The following EEF2K variants were observed in gnomAD, a reference collection of about 807,000 sequenced individuals.
EEF2K encodes alternative protein EEF2K.
A neutral mutation model predicts 93.8 loss-of-function variants in EEF2K; 70 were observed. The ratio of observed to expected loss-of-function variants is 0.75; its 90% CI spans 0.62 to 0.91. The LOEUF (loss-of-function observed/expected upper bound fraction) is 0.91. Among genes scored for constraint, EEF2K ranks in the 40% least tolerant of loss-of-function variants. The pLI is 0.00. For synonymous variants in EEF2K, 376 were observed against 380.8 expected, an observed-to-expected ratio of 0.99 and a Z score of 0.15; for missense variants, 935 against 972.9, an observed-to-expected ratio of 0.96 and a Z score of 0.52.
chr16:22,248,715 G>C lies in EEF2K; in HGVS notation c.348-40G>C, dbSNP rs370019098. Reference sequence around the variant, plus strand: ...TTTAGCCAGTGAGAAACAGGACCACGTGATGGACGCTGTGCCCCATGGTGG... The same window carrying C: ...TTTAGCCAGTGAGAAACAGGACCACCTGATGGACGCTGTGCCCCATGGTGG... On this transcript the variant is annotated intron_variant, in intron 3 of 17. Transcript: ENST00000263026. 70 of 1,611,904 alleles carry C rather than the reference G, an allele frequency of 4.3e-5. No homozygotes were observed. In the African/African-American group the frequency reaches 7.5e-4, roughly 17 times the overall value.
intron 15 of EEF2K, among the ~76,000 whole-genome samples, chr16:22,268,930 C>T (rs1337661696): frequency 1.3e-5 from 2 of 151,468 alleles, no homozygotes; most frequent in Non-Finnish European, 2.9e-5. Flanking sequence ...GCACTCCAGC[C>T]TGGGCAACAG....
At chr16:22,258,255 A>C (rs1395470675) in intron 9 of EEF2K, among the ~76,000 whole-genome samples, 4 of 152,134 alleles carry the variant, frequency 2.6e-5, no homozygotes, top group Middle Eastern at 3.2e-3. Context: ...GAATGTGGTC[A>C]GTGCTTTAGG....
At chr16:22,268,635 G>T (rs1187168639) in intron 15 of EEF2K, among the ~76,000 whole-genome samples, 1 of 147,582 alleles carries the variant, frequency 6.8e-6, no homozygotes, top group African/African-American at 2.6e-5. Context: ...CCCGACCAAA[G>T]AAGTTTTTTT....
chr16:22,280,875 C>T (rs1003685265), intron 17 of EEF2K, among the ~76,000 whole-genome samples: 7 of 152,082 alleles, frequency 4.6e-5, no homozygotes, highest in East Asian at 3.9e-4. Flanking sequence ...GTTGGCCAGG[C>T]TGGTCTCGAA....
intron 1 of EEF2K, among the ~76,000 whole-genome samples, chr16:22,215,889 C>T (rs182607900): frequency 7.4e-4 from 113 of 152,306 alleles, no homozygotes; most frequent in South Asian, 5.8e-3. Context: ...CACGCCACTG[C>T]ACTCCAGCCT....
At chr16:22,263,031 G>T (rs2047480607) in intron 11 of EEF2K, 79 bp from the exon 12 acceptor site, 13 of 1,345,290 alleles carry the variant, frequency 9.7e-6, no homozygotes, top group Non-Finnish European at 1.1e-5. Flanking sequence ...AAAGCTAACA[G>T]TTGGGGTGTT....
At chr16:22,244,589 C>T in intron 2 of EEF2K, 41 bp from the exon 3 acceptor site, 3 of 1,606,022 alleles carry the variant, frequency 1.9e-6, no homozygotes, top group East Asian at 4.5e-5. Context: ...AAGCCCCTGA[C>T]CTGGGCCTGA....
chr16:22,274,743 G>A (rs906555661), intron 16 of EEF2K, among the ~76,000 whole-genome samples: 1 of 151,786 alleles, frequency 6.6e-6, no homozygotes, highest in Non-Finnish European at 1.5e-5. Flanking sequence ...GAGTAGGTGG[G>A]ACTACAGGCA....
intron 1 of EEF2K, among the ~76,000 whole-genome samples, chr16:22,211,704 C>T (rs1366353398): frequency 1.3e-5 from 2 of 152,124 alleles, no homozygotes; most frequent in Non-Finnish European, 2.9e-5. Context: ...CTCAAGTGAT[C>T]TGCCTGCCTC....
Position 22,250,702 on chromosome 16 carries a change from C to T in EEF2K, c.446+11C>T. On this transcript the variant is annotated intron_variant, in intron 5 of 17. Transcript: ENST00000263026. Reference sequence around the variant, plus strand: ...GGAGTGCTTCCGGACGTAAGTGACTCAGCCTGGCTCTTGGGGCCCTGCCCA... The same window carrying T: ...GGAGTGCTTCCGGACGTAAGTGACTTAGCCTGGCTCTTGGGGCCCTGCCCA... 1 of 1,614,188 alleles carries T rather than the reference C, an allele frequency of 6.2e-7. No individual in the cohort carries two copies.
intron 1 of EEF2K, among the ~76,000 whole-genome samples, chr16:22,217,545 ACAATTCTCCCACCTCAGCT>A (rs1188818565): frequency 2.6e-5 from 4 of 152,006 alleles, no homozygotes; most frequent in African/African-American, 9.7e-5. Context: ...CCAGGTTCAA[ACAATTCTCCCACCTCAGCT>A]TCCCGAGTAG....
intron 15 of EEF2K, among the ~76,000 whole-genome samples, chr16:22,267,578 G>C (rs2047537011): frequency 1.3e-5 from 2 of 151,276 alleles, no homozygotes; most frequent in South Asian, 4.2e-4. Flanking sequence ...CTGGGCGACA[G>C]AGTGAGATCC....
chr16:22,224,036 GTC>G (rs2047039629), intron 1 of EEF2K, among the ~76,000 whole-genome samples: 1 of 151,804 alleles, frequency 6.6e-6, no homozygotes, highest in African/African-American at 2.4e-5. Flanking sequence ...GTGAAACCCC[GTC>G]TCTACTAAAA....
chr16:22,268,465 C>T lies in EEF2K; in HGVS notation c.1764+1589C>T, dbSNP rs568746732. ...GGATTACAGGTGTGAGCCACCATGC[C>T]GGACTATTTATTTATTTTAGAGACA... On this transcript the variant is annotated intron_variant, in intron 15 of 17. Transcript: ENST00000263026. Among the ~76,000 whole-genome samples, 17 of 151,848 alleles carry T rather than the reference C, an allele frequency of 1.1e-4. No individual in the cohort carries two copies. In the East Asian group the frequency reaches 3.3e-3, roughly 30 times the overall value.
intron 12 of EEF2K, 24 bp downstream of exon 12, chr16:22,263,211 A>T (rs753993991): frequency 6.3e-7 from 1 of 1,596,422 alleles, no homozygotes; most frequent in South Asian, 1.1e-5. Context: ...AGGAAATGAG[A>T]CCGGTGTCAC....
intron 2 of EEF2K, among the ~76,000 whole-genome samples, chr16:22,239,072 C>A (rs1250360535): frequency 5.5e-5 from 8 of 144,932 alleles, no homozygotes; most frequent in African/African-American, 1.8e-4. Context: ...TAGTACAGTA[C>A]TTTTTATACT....
intron 8 of EEF2K, 122 bp downstream of exon 8, chr16:22,257,507 A>T: frequency 6.5e-7 from 1 of 1,545,820 alleles, no homozygotes. Context: ...GATCATGGAG[A>T]TGGGAGCCTG....
intron 1 of EEF2K, among the ~76,000 whole-genome samples, chr16:22,213,657 A>G (rs1356157855): frequency 6.6e-6 from 1 of 152,238 alleles, no homozygotes; most frequent in African/African-American, 2.4e-5. Flanking sequence ...AGGTGTCAGC[A>G]TGGCTGTGTT....
chr16:22,250,730 G>A (rs1567276390), intron 5 of EEF2K, 39 bp downstream of exon 5: 2 of 1,613,704 alleles, frequency 1.2e-6, no homozygotes, highest in South Asian at 1.1e-5. Context: ...CCTGCCCAGA[G>A]TCCCCCCAGG....
Sources: allele counts gnomAD v4.1 joint callset (sites outside exome capture counted in the v4.1 genomes callset), GRCh38; gene constraint gnomAD v4.1.1; transcripts MANE v1.5; gene names NCBI Gene and HGNC (gene_info 2026-07-23, HGNC 2026-07-21).